The following UST variants were observed in gnomAD, a reference collection of about 807,000 sequenced individuals.
The protein encoded by UST is chondroitin sulfate 2-O-sulfotransferase.
A neutral mutation model predicts 45.6 loss-of-function variants in UST; 21 were observed. The observed-to-expected ratio is 0.46, with a 90% confidence interval of 0.33 to 0.66. The LOEUF (loss-of-function observed/expected upper bound fraction) is 0.66. Ranked by LOEUF, UST falls within the 30% of genes least tolerant of loss-of-function variation. The pLI is 0.02. For missense variants in UST, 463 were observed against 512.4 expected (o/e 0.90, Z 0.93); for synonymous variants, 215 against 200.6 (o/e 1.07, Z -0.61).
intron 5 of UST, among the ~76,000 whole-genome samples, chr6:148,978,839 ATT>A (rs149224452): frequency 2.0e-3 from 296 of 151,794 alleles, no homozygotes; most frequent in African/African-American, 6.5e-3. Context: ...TAAGGTAAAA[ATT>A]TTTTTAAAAA....
intron 7 of UST, among the ~76,000 whole-genome samples, chr6:149,050,471 GAC>G (rs1335303092): frequency 1.3e-5 from 2 of 152,138 alleles, no homozygotes; most frequent in African/African-American, 4.8e-5. Context: ...GGTAAGTGTG[GAC>G]ACACCAACTC....
intron 3 of UST, among the ~76,000 whole-genome samples, chr6:148,946,774 A>G (rs1420743004): frequency 8.0e-6 from 1 of 124,948 alleles, no homozygotes; most frequent in African/African-American, 3.2e-5. Context: ...AGATTGCGCC[A>G]CTGCACTCTA....
At chr6:148,965,961 C>T (rs780728250) in intron 5 of UST, among the ~76,000 whole-genome samples, 1 of 149,690 alleles carries the variant, frequency 6.7e-6, no homozygotes, top group African/African-American at 2.5e-5. Flanking sequence ...CAGTGGCTCA[C>T]GCCTGTAATC....
At position 149,074,280 on chromosome 6, in the gene UST, ATTTG is replaced by A. The variant is rs1016545363; in HGVS notation, c.*168_*171del. The A allele has an allele frequency of 1.4e-6, 1 of 734,546 alleles. No individual in the cohort carries two copies. The highest frequency in any genetic ancestry group is 1.8e-5 in the African/African-American group (1 of 56,154). The allele number at this position is 734,546 out of a possible 1,614,324, so 45.5% of individuals were successfully genotyped here. The stretch of plus-strand genomic sequence containing the variant: ...GGAGATGCCCGGTTTTGCGGGTTTT[ATTTG>A]TTTAATTTTATTCTGTGTTTTCTCT... On this transcript the variant is annotated 3_prime_UTR_variant, in exon 8 of 8. Coordinates refer to ENST00000367463, the MANE Select transcript of UST (RefSeq NM_005715.3).
At chr6:148,753,791 C>G (rs1776035752) in intron 1 of UST, among the ~76,000 whole-genome samples, 2 of 152,152 alleles carry the variant, frequency 1.3e-5, no homozygotes, top group South Asian at 4.1e-4. Flanking sequence ...ACATCCCCCG[C>G]CAAGAAAGTA....
chr6:148,949,343 G>A (rs142243887), intron 3 of UST, among the ~76,000 whole-genome samples: 338 of 144,728 alleles, frequency 2.3e-3, no homozygotes, highest in African/African-American at 7.6e-3. Flanking sequence ...ATACTTATCC[G>A]TGGGTTTCTT....
At chr6:148,893,819 A>G (rs947035717) in intron 2 of UST, among the ~76,000 whole-genome samples, 10 of 152,184 alleles carry the variant, frequency 6.6e-5, no homozygotes, top group African/African-American at 2.4e-4. Context: ...TCCAGGTGCA[A>G]GTCCTGAAGT....
chr6:148,914,526 A>C (rs1779544000), intron 2 of UST, among the ~76,000 whole-genome samples: 1 of 152,092 alleles, frequency 6.6e-6, no homozygotes, highest in Admixed American at 6.5e-5. Context: ...CTTTTCTATG[A>C]TATGTAGTCC....
At chr6:148,916,176 T>C (rs141920341) in intron 2 of UST, among the ~76,000 whole-genome samples, 78 of 152,330 alleles carry the variant, frequency 5.1e-4, no homozygotes, top group African/African-American at 1.8e-3. Context: ...CTGTTTTGGG[T>C]AGTTTACATT....
In UST at chr6:148,952,251, C is replaced by T. The variant is rs147252941; in HGVS notation, c.448-1621C>T. ...ATGCATCAAAAATCAAAATGAACAA[C>T]GTGACCACGCAGGAAGTTTTACTAC... On this transcript the variant is annotated intron_variant, in intron 3 of 7. Transcript: ENST00000367463. Among the ~76,000 whole-genome samples, 342 of 152,298 alleles carry T rather than the reference C, an allele frequency of 2.2e-3. 2 individuals are homozygous for T. The highest frequency in any genetic ancestry group is 8.0e-3 in the African/African-American group (332 of 41,572).
chr6:149,046,806 A>C (rs2115034267), intron 7 of UST, among the ~76,000 whole-genome samples: 1 of 152,350 alleles, frequency 6.6e-6, no homozygotes, highest in Middle Eastern at 3.4e-3. Flanking sequence ...GTTTGAAAGG[A>C]GAGACCAACA....
intron 1 of UST, among the ~76,000 whole-genome samples, chr6:148,878,647 GGGGGGTCGTGTATAAGTGC>G (rs1324110183): frequency 3.1e-5 from 4 of 127,500 alleles, no homozygotes; most frequent in East Asian, 2.6e-4. Flanking sequence ...GTATGAGTGC[GGGGGGTCGTGTATAAGTGC>G]GGGGGTCGTG....
In UST at chr6:148,747,560, T is replaced by A; in HGVS notation, c.130T>A (p.Ser44Thr). The change falls in exon 1 of 8, where the codon TCC becomes ACC. Residue 44 changes from serine (S) to threonine (T), a missense_variant. Transcript: ENST00000367463. ...GCCCCTGCTGCCTTTCCTGCGCTTC[T>A]CCCTCCGGGACTACGGCTTCTGCAT... is the stretch of plus-strand genomic sequence containing the variant. Reference protein sequence around the residue: ...RVPLLPFLRFSLRDYGFCMAT... With the variant: ...RVPLLPFLRFTLRDYGFCMAT... 1 of 1,576,464 alleles carries A rather than the reference T, an allele frequency of 6.3e-7. No individual in the cohort carries two copies.
chr6:148,829,938 C>T (rs992823541), intron 1 of UST, among the ~76,000 whole-genome samples: 5 of 152,266 alleles, frequency 3.3e-5, no homozygotes, highest in Admixed American at 1.3e-4. Context: ...GGGTTAGTAG[C>T]ACAGGAAAAG....
chr6:148,803,941 C>A (rs543650269), intron 1 of UST, among the ~76,000 whole-genome samples: 8 of 152,200 alleles, frequency 5.3e-5, no homozygotes, highest in Non-Finnish European at 8.8e-5. Flanking sequence ...GAAACTCTTT[C>A]CTAGCACTCC....
intron 2 of UST, among the ~76,000 whole-genome samples, chr6:148,892,743 A>C (rs1256436589): frequency 6.6e-6 from 1 of 152,208 alleles, no homozygotes; most frequent in Non-Finnish European, 1.5e-5. Context: ...TATTGTTCTT[A>C]TATTTTTCTA....
Position 148,934,016 on chromosome 6 carries a change from T to G in UST, c.292-7263T>G, listed in dbSNP as rs1159720842. On this transcript the variant is annotated intron_variant, in intron 2 of 7. Coordinates refer to ENST00000367463, the MANE Select transcript of UST (RefSeq NM_005715.3). The surrounding 1 kb of genome is among the most constrained non-coding windows in gnomAD (Gnocchi z 4.1). ...CAAGGAAACACGGTAAAATCTAGTT[T>G]TAACTTTTAAGGCGTTTTCCAGATT... 6.6e-6 allele frequency among the ~76,000 whole-genome samples: 1 copy of G among 152,242 alleles called. No homozygotes were observed. Among genetic ancestry groups the G allele is most frequent in the Admixed American group, 6.5e-5 (1 of 15,288 alleles).
intron 1 of UST, among the ~76,000 whole-genome samples, chr6:148,798,900 C>G (rs939529270): frequency 6.6e-6 from 1 of 150,956 alleles, no homozygotes; most frequent in Non-Finnish European, 1.5e-5. Context: ...GATGGAGTCT[C>G]GCTCTGTCAC....
chr6:149,007,716 G>T (rs558651938), intron 5 of UST, among the ~76,000 whole-genome samples: 1 of 151,904 alleles, frequency 6.6e-6, no homozygotes, highest in African/African-American at 2.4e-5. Context: ...GAGCCACCGC[G>T]CCCGACCTCC....
Sources: gnomAD v4.1 joint callset for allele counts (sites outside exome capture counted in the v4.1 genomes callset) on GRCh38, gnomAD v4.1.1 for gene constraint, Gnocchi (gnomAD v3.1) non-coding constraint, MANE v1.5 for transcripts, NCBI Gene and HGNC (gene_info 2026-07-23, HGNC 2026-07-21) for gene names.